PNCK: variants seen among roughly 807,000 people sequenced by gnomAD.
The protein encoded by PNCK is calcium/calmodulin-dependent protein kinase type 1B.
A neutral mutation model predicts 28.3 loss-of-function variants in PNCK; 21 were observed. The ratio of observed to expected loss-of-function variants is 0.74; its 90% confidence interval spans 0.53 to 1.07. The LOEUF (loss-of-function observed/expected upper bound fraction) is 1.07. PNCK is among the 50% of genes least tolerant of loss of function. The pLI, the probability that PNCK is intolerant of heterozygous loss-of-function variation, is 0.00. For missense variants in PNCK, 250 were observed against 298.3 expected (o/e 0.84, Z 1.19); for synonymous variants, 136 against 125.2 (o/e 1.09, Z -0.58).
At chrX:153,674,105 T>C, upstream of PNCK, 1 of 1,210,559 alleles carries the variant, frequency 8.3e-7, no homozygotes, top group South Asian at 1.8e-5. Flanking sequence ...GCTCTCTGCC[T>C]TCCAGTCTCT....
intron 1 of PNCK, among the ~76,000 whole-genome samples, chrX:153,680,539 C>G (rs998135296): frequency 9.4e-6 from 1 of 105,941 alleles, no homozygotes; most frequent in Middle Eastern, 4.6e-3. Flanking sequence ...TTATAAATTA[C>G]CCAGCCTCAG....
At chrX:153,670,171 C>T (rs2148331321) in intron 11 of PNCK, 41 bp from the exon 12 acceptor site, 1 of 398,169 alleles carries the variant, frequency 2.5e-6, no homozygotes. Context: ...AGTCAGGAGC[C>T]GGCCTGCCAG....
At chrX:153,681,574 T>C (rs1464962568) in intron 1 of PNCK, among the ~76,000 whole-genome samples, 2 of 110,253 alleles carry the variant, frequency 1.8e-5, no homozygotes, top group African/African-American at 6.6e-5. Flanking sequence ...TCTGAGAAAC[T>C]GTCACAGCCA....
upstream of PNCK, among the ~76,000 whole-genome samples, chrX:153,679,119 A>G (rs1557042124): frequency 1.8e-5 from 2 of 111,560 alleles, no homozygotes; most frequent in Non-Finnish European, 3.8e-5. Flanking sequence ...GTCTTTAAGG[A>G]AAAAAAGGCT....
At chrX:153,684,517 C>G (rs1422872414) in intron 1 of PNCK, among the ~76,000 whole-genome samples, 2 of 107,509 alleles carry the variant, frequency 1.9e-5, no homozygotes, top group African/African-American at 3.4e-5. Context: ...TGGCTGCAGC[C>G]GCACGTCGGC....
rs782056526 is a variant in PNCK at position 153,687,394 on chromosome X, C to A, written c.-3+37G>T. The A allele has an allele frequency of 9.7e-4, 314 of 324,193 alleles. 4 individuals are homozygous for A. Among genetic ancestry groups the A allele is most frequent in the South Asian group, 8.3e-3 (313 of 37,735 alleles). 26.7% of individuals were successfully genotyped at this position (324,193 alleles called of 1,213,427 possible). On this transcript the variant is annotated intron_variant, in intron 1 of 3. Transcript: ENST00000419804. ...GGCTTGCTCATCAGCCAGGCAGGCT[C>A]CCCTCTGCCCACTGTGGAGACACAG...
intron 3 of PNCK, 164 bp from the exon 4 acceptor site, chrX:153,672,364 G>A: frequency 2.4e-6 from 2 of 831,408 alleles, no homozygotes; most frequent in Non-Finnish European, 3.3e-6. Context: ...TCCAGCCTGA[G>A]CCCCGGCCTT....
At chrX:153,674,378 G>C (rs2091352666), upstream of PNCK, 1 of 472,329 alleles carries the variant, frequency 2.1e-6, no homozygotes, top group African/African-American at 2.5e-5. Flanking sequence ...TGAGTCCTTA[G>C]GGGGCGGCCT....
At chrX:153,682,074 C>T (rs1233373305) in intron 1 of PNCK, among the ~76,000 whole-genome samples, 3 of 110,921 alleles carry the variant, frequency 2.7e-5, no homozygotes, top group Non-Finnish European at 5.7e-5. Context: ...CTGCAACCTC[C>T]GCCTCCTGGG....
rs1557039006 is a variant in PNCK, at chrX:153,669,826, CA to C, written c.*311del. The C allele has an allele frequency of 2.9e-6, 1 of 342,882 alleles. No individual in the cohort carries two copies. Among genetic ancestry groups the C allele is most frequent in the East Asian group, 9.7e-5 (1 of 10,332 alleles). 28.3% of individuals were successfully genotyped at this position (342,882 alleles called of 1,213,427 possible). A position where few individuals can be genotyped will look rare whatever the true frequency, so the allele number is the denominator to read the frequency against. On this transcript the variant is annotated 3_prime_UTR_variant, in exon 12 of 12. Transcript: ENST00000340888. ...GCAGGACCACCCACACTCAGCGAAG[CA>C]CACAACAGCCGTGCAGGAAAGACAG...
upstream of PNCK, among the ~76,000 whole-genome samples, chrX:153,677,299 G>A (rs1557041714): frequency 9.0e-6 from 1 of 110,981 alleles, no homozygotes; most frequent in Non-Finnish European, 1.9e-5. Context: ...GTGTAGGTGT[G>A]GGCGTGTCTG....
In PNCK at chrX:153,670,947, G is replaced by T. The variant is rs1395517968; in HGVS notation, c.777C>A (p.Phe259Leu). Residue 259 changes from phenylalanine (F) to leucine (L), a missense_variant, in exon 9 of 12, where the codon TTC (phenylalanine) becomes TTA (leucine). Physicochemically the swap from Phe to Leu is conservative, Grantham distance 22 (BLOSUM62 0). Transcript: ENST00000340888. ...GGTGCCGCAAGGCCTGTTGGCAGGT[G>T]AACCTCTTCTGGGGGTCTCGCTCCA... is the stretch of plus-strand genomic sequence containing the variant. ...HLLERDPQKR[F>L]TCQQALRHLW... 8.3e-7 allele frequency: 1 copy of T among 1,210,907 alleles called. No individual in the cohort carries two copies. The highest frequency in any genetic ancestry group is 1.1e-6 in the Non-Finnish European group (1 of 895,353).
In PNCK at chrX:153,673,806, C is replaced by G. The variant is rs1163761701; in HGVS notation, c.-29G>C. ...TGGAGCGGGTGCCGCAGCGTCGTGC[C>G]GCGCAGTGGCCGCAGCGCCAAGCCC... On this transcript the variant is annotated 5_prime_UTR_variant, in exon 1 of 12. Transcript: ENST00000340888. 1.8e-4 allele frequency: 134 copies of G among 748,820 alleles called. No individual in the cohort carries two copies. Among genetic ancestry groups the G allele is most frequent in the Non-Finnish European group, 2.0e-4 (129 of 636,708 alleles). 61.7% of individuals were successfully genotyped at this position (748,820 alleles called of 1,213,427 possible). A position where few individuals can be genotyped will look rare whatever the true frequency, so the allele number is the denominator to read the frequency against.
chrX:153,673,115 C>T (rs1557040708), intron 1 of PNCK, 37 bp from the exon 2 acceptor site: 114 of 1,165,746 alleles, frequency 9.8e-5, no homozygotes, highest in Non-Finnish European at 1.2e-4. Flanking sequence ...GGGTCTCTCC[C>T]CGCCCCGCCG....
At position 153,672,030 on chromosome X, in the gene PNCK, A is replaced by G. The variant is rs2091309059; in HGVS notation, c.276-12T>C. ...CGCCACCCGTCACCCTGGGGGTGCCAGGGGTTTGGCTGACCCAGGCACTCA... is the reference window on the plus strand; with the variant it reads ...CGCCACCCGTCACCCTGGGGGTGCCGGGGGTTTGGCTGACCCAGGCACTCA... On this transcript the variant is annotated splice_polypyrimidine_tract_variant and intron_variant, in intron 4 of 11. Transcript: ENST00000340888. The G allele has an allele frequency of 1.7e-6, 2 of 1,207,415 alleles. No homozygotes were observed. The highest frequency in any genetic ancestry group is 3.5e-5 in the African/African-American group (2 of 57,286).
At chrX:153,684,939 G>T (rs2091411772) in intron 1 of PNCK, among the ~76,000 whole-genome samples, 1 of 103,539 alleles carries the variant, frequency 9.7e-6, no homozygotes, top group Non-Finnish European at 2.0e-5. Context: ...ACGGTAAGGG[G>T]AGGGTGCAGC....
chrX:153,684,080 C>T (rs2091406706), intron 1 of PNCK, among the ~76,000 whole-genome samples: 2 of 112,174 alleles, frequency 1.8e-5, no homozygotes, highest in Non-Finnish European at 3.8e-5. Flanking sequence ...GCGGTTTCAT[C>T]TTGGGAAGGT....
At chrX:153,673,255 A>G in intron 1 of PNCK, 177 bp from the exon 2 acceptor site, 1 of 1,191,950 alleles carries the variant, frequency 8.4e-7, no homozygotes, top group East Asian at 3.0e-5. Context: ...AGGCCACCGC[A>G]TACACGCCTC....
At chrX:153,678,211 G>A (rs942810691), upstream of PNCK, among the ~76,000 whole-genome samples, 1 of 110,300 alleles carries the variant, frequency 9.1e-6, no homozygotes, top group Admixed American at 9.7e-5. Context: ...CCAGCACTTT[G>A]GGAGGCTGAG....
Sources: allele counts gnomAD v4.1 joint callset (sites outside exome capture counted in the v4.1 genomes callset), GRCh38; gene constraint gnomAD v4.1.1; transcripts MANE v1.5; gene names NCBI Gene and HGNC (gene_info 2026-07-23, HGNC 2026-07-21).